SYN3: variants seen among roughly 807,000 people sequenced by gnomAD.
The protein encoded by SYN3 is synapsin III, also known as synapsin-3.
SYN3 carries 35 observed loss-of-function variants against 65.8 expected under a neutral mutation model. That is an observed-to-expected ratio of 0.53 (90% CI 0.41 to 0.70). SYN3 has a LOEUF of 0.70. SYN3 is among the 30% of genes least tolerant of loss of function. The probability of loss-of-function intolerance (pLI) is 0.00; values close to 1 mark genes in which losing one functional copy is unlikely to be tolerated. For synonymous variants in SYN3, 270 were observed against 292.9 expected (o/e 0.92, Z 0.80); for missense variants, 680 against 749.0 (o/e 0.91, Z 1.08).
intron 4 of SYN3, among the ~76,000 whole-genome samples, chr22:32,921,543 G>A (rs893184320): frequency 2.0e-5 from 3 of 152,162 alleles, no homozygotes; most frequent in Non-Finnish European, 4.4e-5. Flanking sequence ...AGTGGACAAA[G>A]ATTCGAAGAC....
intron 6 of SYN3, among the ~76,000 whole-genome samples, chr22:32,863,396 A>C (rs2048601695): frequency 6.6e-6 from 1 of 152,160 alleles, no homozygotes; most frequent in Non-Finnish European, 1.5e-5. Flanking sequence ...AACCTGGTGG[A>C]GGTGGGGAGG....
At chr22:32,781,510 G>A (rs9619309) in intron 6 of SYN3, among the ~76,000 whole-genome samples, 5,447 of 152,064 alleles carry the variant, frequency 0.036, 329 homozygotes, top group African/African-American at 0.12. Context: ...TTGGCATTAC[G>A]ATAATGCACT....
At chr22:32,550,581 A>G (rs1467404562) in intron 7 of SYN3, among the ~76,000 whole-genome samples, 2 of 152,136 alleles carry the variant, frequency 1.3e-5, no homozygotes, top group Non-Finnish European at 2.9e-5. Context: ...AAAATAAAAT[A>G]AATAAGTGTT....
At position 32,990,613 on chromosome 22, in the gene SYN3, T is replaced by A. The variant is rs73162038; in HGVS notation, c.312-9911A>T. Among the ~76,000 whole-genome samples, 879 of 152,338 alleles carry A rather than the reference T, an allele frequency of 5.8e-3. 6 individuals carry two copies. The highest frequency in any genetic ancestry group is 0.028 in the South Asian group (137 of 4,824). ...GCCCCCTTGCCATCCTGGTTTTTAC[T>A]GTCTAGCCAGGAGATAGTCCCAGAA... On this transcript the variant is annotated intron_variant, in intron 2 of 13. Transcript: ENST00000358763.
intron 2 of SYN3, among the ~76,000 whole-genome samples, chr22:33,001,902 T>G (rs971233783): frequency 6.6e-6 from 1 of 152,120 alleles, no homozygotes; most frequent in Non-Finnish European, 1.5e-5. Context: ...TCAACCTCCA[T>G]GCAAAGACGT....
intron 7 of SYN3, among the ~76,000 whole-genome samples, chr22:32,574,532 C>T (rs1336653715): frequency 1.3e-5 from 2 of 152,214 alleles, no homozygotes; most frequent in Admixed American, 1.3e-4. Context: ...ACACAACCCA[C>T]GCTTGCTAGT....
chr22:32,805,360 C>T (rs2145950113), intron 6 of SYN3, among the ~76,000 whole-genome samples: 1 of 152,318 alleles, frequency 6.6e-6, no homozygotes, highest in East Asian at 1.9e-4. Flanking sequence ...GCAAAGAAGC[C>T]ATTTTCAAAG....
intron 6 of SYN3, among the ~76,000 whole-genome samples, chr22:32,660,940 G>A (rs2147001796): frequency 6.6e-6 from 1 of 152,328 alleles, no homozygotes; most frequent in East Asian, 1.9e-4. Context: ...GAGACTGAGA[G>A]TGCCGTTCAA....
At chr22:32,802,088 C>A (rs1181454731) in intron 6 of SYN3, 1 of 1,579,514 alleles carries the variant, frequency 6.3e-7, no homozygotes, top group Admixed American at 1.8e-5. Flanking sequence ...GCTCGCCCAG[C>A]CACCCCCAGG....
rs2047422340 is a variant in SYN3 at position 32,826,634 on chromosome 22, CTA to C, written c.711+38279_711+38280del. ...AAGAAAGAAAAAAACTAGATATTCA[CTA>C]TGTGTCATCTTGTTGACTATTCTCT... On this transcript the variant is annotated intron_variant, in intron 6 of 13. Transcript: ENST00000358763. 2.6e-5 allele frequency among the ~76,000 whole-genome samples: 4 copies of C among 152,298 alleles called. No homozygotes were observed. In the South Asian group the frequency reaches 8.3e-4, roughly 32 times the overall value.
At chr22:32,724,186 C>CA (rs1333639408) in intron 6 of SYN3, among the ~76,000 whole-genome samples, 5 of 152,332 alleles carry the variant, frequency 3.3e-5, no homozygotes, top group African/African-American at 1.2e-4. Context: ...TATTTAACAA[C>CA]AGTCAGTGCA....
At chr22:32,825,645 G>A (rs1475382914) in intron 6 of SYN3, among the ~76,000 whole-genome samples, 2 of 103,560 alleles carry the variant, frequency 1.9e-5, no homozygotes, top group Non-Finnish European at 3.5e-5. Flanking sequence ...GCGACAGAGC[G>A]AGTTTCCATC....
intron 7 of SYN3, among the ~76,000 whole-genome samples, chr22:32,555,646 A>C (rs2058484056): frequency 6.6e-6 from 1 of 152,194 alleles, no homozygotes; most frequent in Non-Finnish European, 1.5e-5. Flanking sequence ...ATAGGTTCAG[A>C]ACAGTCACTC....
intron 6 of SYN3, among the ~76,000 whole-genome samples, chr22:32,753,363 T>G (rs2045195001): frequency 6.6e-6 from 1 of 152,052 alleles, no homozygotes. Context: ...AACTCCTGAC[T>G]CAGGCTGTCT....
intron 4 of SYN3, among the ~76,000 whole-genome samples, chr22:32,878,349 G>A (rs16991442): frequency 0.028 from 4,197 of 151,514 alleles, 185 homozygotes; most frequent in African/African-American, 0.096. Flanking sequence ...CTTCCCTCCA[G>A]AAGTGTCTAG....
chr22:32,957,843 C>A (rs2051514517), intron 3 of SYN3, among the ~76,000 whole-genome samples: 1 of 152,172 alleles, frequency 6.6e-6, no homozygotes, highest in South Asian at 2.1e-4. Flanking sequence ...TTTCTAAAGG[C>A]TGAATTCCTC....
At chr22:32,634,932 CA>C (rs887164938) in intron 6 of SYN3, among the ~76,000 whole-genome samples, 6 of 141,138 alleles carry the variant, frequency 4.3e-5, no homozygotes, top group African/African-American at 1.9e-4. Context: ...ATTTTTTTTG[CA>C]ACTTTTTTTT....
In SYN3 at chr22:32,596,753, G is replaced by C. The variant is rs1191205436; in HGVS notation, c.712-17C>G. ...GGCTGTGACCTGAAAGAGACAAGAAGAAGTCACTCTTAACATCTCAGAGCA... is the reference window on the plus strand; with the variant it reads ...GGCTGTGACCTGAAAGAGACAAGAACAAGTCACTCTTAACATCTCAGAGCA... On this transcript the variant is annotated splice_polypyrimidine_tract_variant and intron_variant, in intron 6 of 13. Transcript: ENST00000358763. 1.2e-6 allele frequency: 2 copies of C among 1,613,552 alleles called. No individual in the cohort carries two copies. Among genetic ancestry groups the C allele is most frequent in the Admixed American group, 1.7e-5 (1 of 59,958 alleles).
At chr22:33,053,242 G>A (rs559274519) in intron 1 of SYN3, among the ~76,000 whole-genome samples, 4 of 152,276 alleles carry the variant, frequency 2.6e-5, no homozygotes, top group Non-Finnish European at 4.4e-5. Flanking sequence ...GACCAACATG[G>A]TGAAACCCCG....
Sources: allele counts gnomAD v4.1 joint callset (sites outside exome capture counted in the v4.1 genomes callset), GRCh38; gene constraint gnomAD v4.1.1; transcripts MANE v1.5; gene names NCBI Gene and HGNC (gene_info 2026-07-23, HGNC 2026-07-21).